SEMA3A: variants seen among roughly 807,000 people sequenced by gnomAD.
SEMA3A encodes semaphorin 3A, also known as semaphorin-3A.
A neutral mutation model predicts 97.9 loss-of-function variants in SEMA3A; 29 were observed. The observed-to-expected ratio is 0.30, with a 90% CI of 0.22 to 0.40. The LOEUF is 0.40. SEMA3A is among the 10% of genes least tolerant of loss of function. The probability of loss-of-function intolerance (pLI) is 1.00; values close to 1 mark genes in which losing one functional copy is unlikely to be tolerated. For synonymous variants in SEMA3A, 321 were observed against 323.7 expected (o/e 0.99, Z 0.09); for missense variants, 763 against 951.3 (o/e 0.80, Z 2.60).
At chr7:84,310,959 C>T (rs1801299074) in intron 2 of SEMA3A, among the ~76,000 whole-genome samples, 1 of 150,818 alleles carries the variant, frequency 6.6e-6, no homozygotes, top group African/African-American at 2.4e-5. Context: ...ATTTCATTTA[C>T]ATGCAGATTT....
chr7:84,342,885 G>A (rs1487268723), intron 2 of SEMA3A, among the ~76,000 whole-genome samples: 1 of 152,168 alleles, frequency 6.6e-6, no homozygotes, highest in African/African-American at 2.4e-5. Flanking sequence ...AACACTATAG[G>A]CTGTGCAAAC....
intron 1 of SEMA3A, among the ~76,000 whole-genome samples, chr7:84,447,851 C>T (rs1302164871): frequency 1.3e-5 from 2 of 151,920 alleles, no homozygotes; most frequent in Non-Finnish European, 2.9e-5. Context: ...TAGGGTTACC[C>T]TTTTTGGGGC....
intron 3 of SEMA3A, among the ~76,000 whole-genome samples, chr7:84,274,088 A>G (rs1388060488): frequency 6.6e-6 from 1 of 152,112 alleles, no homozygotes; most frequent in African/African-American, 2.4e-5. Context: ...ATAAGAATCC[A>G]TTTATTTAGA....
intron 1 of SEMA3A, among the ~76,000 whole-genome samples, chr7:84,445,516 A>AAAAAAAAAAG (rs1805391070): frequency 3.2e-5 from 4 of 123,738 alleles, no homozygotes; most frequent in Admixed American, 9.1e-5. Flanking sequence ...AAAAAAAAAA[A>AAAAAAAAAAG]AAAAGAAAAG....
intron 1 of SEMA3A, among the ~76,000 whole-genome samples, chr7:84,414,912 C>T (rs1173602709): frequency 5.9e-5 from 9 of 151,922 alleles, no homozygotes; most frequent in Non-Finnish European, 8.8e-5. Flanking sequence ...TGTTAGATAA[C>T]ATTATTGTTA....
At chr7:84,192,385 T>C (rs909706317) in intron 1 of SEMA3A, among the ~76,000 whole-genome samples, 1 of 151,976 alleles carries the variant, frequency 6.6e-6, no homozygotes, top group South Asian at 2.1e-4. Context: ...CTTCTTCCTG[T>C]TGTTCATTTC....
In SEMA3A at chr7:83,957,588, A is replaced by G. The variant is rs1374326444; in HGVS notation, c.*3783T>C. The G allele has an allele frequency of 6.6e-6, 1 of 152,096 alleles. No individual in the cohort carries two copies. The highest frequency in any genetic ancestry group is 2.4e-5 in the African/African-American group (1 of 41,440). 9.4% of individuals were successfully genotyped at this position (152,096 alleles called of 1,614,324 possible). On this transcript the variant is annotated 3_prime_UTR_variant, in exon 17 of 17. Coordinates refer to ENST00000265362, the MANE Select transcript of SEMA3A (RefSeq NM_006080.3). ...CTGTCCTTACTATATGGGCTGTCACATATGCTGATTTTATTCTCTCTTTCA... is the reference window on the plus strand; with the variant it reads ...CTGTCCTTACTATATGGGCTGTCACGTATGCTGATTTTATTCTCTCTTTCA...
chr7:84,366,595 C>G (rs1017026170), intron 2 of SEMA3A, among the ~76,000 whole-genome samples: 1 of 151,342 alleles, frequency 6.6e-6, no homozygotes, highest in Non-Finnish European at 1.5e-5. Context: ...TACACTAAAG[C>G]ATACTACAAC....
chr7:83,985,874 G>A (rs57671541), intron 12 of SEMA3A, among the ~76,000 whole-genome samples: 15,707 of 152,170 alleles, frequency 0.1, 1,187 homozygotes, highest in African/African-American at 0.2. Flanking sequence ...TCAAAAAGCA[G>A]GGGTAATTCT....
At chr7:84,401,040 G>C (rs1231764938) in intron 1 of SEMA3A, among the ~76,000 whole-genome samples, 1 of 152,096 alleles carries the variant, frequency 6.6e-6, no homozygotes, top group Non-Finnish European at 1.5e-5. Context: ...ACAAGAGAAA[G>C]AAATAAAGGG....
intron 15 of SEMA3A, among the ~76,000 whole-genome samples, chr7:83,976,856 G>A (rs993538116): frequency 2.0e-5 from 3 of 151,874 alleles, no homozygotes; most frequent in Non-Finnish European, 4.4e-5. Context: ...CTTAAACATG[G>A]CTTCTTTTTG....
At chr7:84,230,257 C>G (rs1190016942) in intron 3 of SEMA3A, among the ~76,000 whole-genome samples, 1 of 151,920 alleles carries the variant, frequency 6.6e-6, no homozygotes, top group Non-Finnish European at 1.5e-5. Context: ...TATCCCTGCT[C>G]TTTTTTCTTT....
intron 1 of SEMA3A, among the ~76,000 whole-genome samples, chr7:84,488,231 G>A (rs1031372373): frequency 6.6e-6 from 1 of 151,768 alleles, no homozygotes; most frequent in Non-Finnish European, 1.5e-5. Flanking sequence ...TCACTAGAGA[G>A]ACATACCACA....
At chr7:84,166,143 G>A (rs1250420622) in intron 1 of SEMA3A, among the ~76,000 whole-genome samples, 3 of 151,988 alleles carry the variant, frequency 2.0e-5, no homozygotes, top group African/African-American at 7.3e-5. Context: ...GGGTATGGTG[G>A]CGAACTCCTG....
At chr7:84,455,171 T>C (rs1422529882) in intron 1 of SEMA3A, among the ~76,000 whole-genome samples, 9 of 151,942 alleles carry the variant, frequency 5.9e-5, no homozygotes, top group Non-Finnish European at 7.4e-5. Context: ...GACAGAAATA[T>C]GAATACTCTT....
chr7:84,081,594 TA>T (rs5885397), intron 4 of SEMA3A, among the ~76,000 whole-genome samples: 61,009 of 114,006 alleles, frequency 0.54, 16,271 homozygotes, highest in Non-Finnish European at 0.63. Flanking sequence ...CTCCGTCTCT[TA>T]AAAAAAAAAA....
intron 1 of SEMA3A, among the ~76,000 whole-genome samples, chr7:84,435,484 T>C (rs1366235518): frequency 6.6e-6 from 1 of 152,160 alleles, no homozygotes; most frequent in Non-Finnish European, 1.5e-5. Flanking sequence ...GGTGCGTGCC[T>C]ATAGTCCCAG....
chr7:83,991,697 T>G (rs972058521), intron 12 of SEMA3A, among the ~76,000 whole-genome samples: 1 of 151,596 alleles, frequency 6.6e-6, no homozygotes, highest in African/African-American at 2.4e-5. Context: ...ATAAGCTTTT[T>G]GATGTGCTGC....
chr7:84,025,286 C>T (rs10228041), intron 6 of SEMA3A, among the ~76,000 whole-genome samples: 2,935 of 152,124 alleles, frequency 0.019, 94 homozygotes, highest in African/African-American at 0.067. Context: ...AAAATATTTA[C>T]AAAGAAACTA....
Sources: allele counts gnomAD v4.1 joint callset (sites outside exome capture counted in the v4.1 genomes callset), GRCh38; gene constraint gnomAD v4.1.1; transcripts MANE v1.5; gene names NCBI Gene and HGNC (gene_info 2026-07-23, HGNC 2026-07-21).